NT5M: variants seen among roughly 807,000 people sequenced by gnomAD.
NT5M encodes the protein 5'(3')-deoxyribonucleotidase, mitochondrial.
Under a neutral mutation model 22.2 loss-of-function variants are expected in NT5M, and 22 were observed. The observed-to-expected ratio is 0.99, with a 90% CI of 0.71 to 1.41. NT5M has a LOEUF of 1.41. Ranked by LOEUF, NT5M falls within the 40% of genes most tolerant of loss-of-function variation. NT5M has a pLI of 0.00. For synonymous variants in NT5M, 167 were observed against 133.0 expected, an observed-to-expected ratio of 1.26 and a Z score of -1.76; for missense variants, 322 against 314.8, an observed-to-expected ratio of 1.02 and a Z score of -0.17.
Position 17,346,864 on chromosome 17 carries a change from C to A in NT5M, c.604C>A (p.Leu202Met), listed in dbSNP as rs375565332. The A allele has an allele frequency of 8.1e-6, 13 of 1,608,456 alleles. No homozygotes were observed. Among genetic ancestry groups the A allele is most frequent in the Admixed American group, 1.7e-5 (1 of 59,988 alleles). Residue 202 changes from leucine to methionine, a missense_variant, in exon 5 of 5, where the codon CTG becomes ATG. By Grantham distance (15) the Leu-to-Met change is conservative. Transcript: ENST00000389022. ...VLFTACHNQH[L>M]QLQPPRRRLH... ...CTTCACCGCCTGCCACAACCAGCAC[C>A]TGCAGCTGCAGCCCCCCCGCCGCAG...
intron 3 of NT5M, among the ~76,000 whole-genome samples, chr17:17,324,034 G>C (rs1567890323): frequency 6.6e-6 from 1 of 151,930 alleles, no homozygotes; most frequent in African/African-American, 2.4e-5. Context: ...ACCACATCCA[G>C]GTAATTTTTT....
At chr17:17,328,928 G>T (rs16961564) in intron 3 of NT5M, among the ~76,000 whole-genome samples, 17,220 of 152,158 alleles carry the variant, frequency 0.11, 987 homozygotes, top group Admixed American at 0.14. Context: ...GGCTTTCCCT[G>T]TAGTGATCCA....
At chr17:17,330,216 C>T (rs1037847674) in intron 3 of NT5M, among the ~76,000 whole-genome samples, 4 of 149,550 alleles carry the variant, frequency 2.7e-5, no homozygotes, top group Non-Finnish European at 5.9e-5. Context: ...AGGAGAATGG[C>T]GTGAACCCGT....
intron 3 of NT5M, among the ~76,000 whole-genome samples, chr17:17,335,779 C>T (rs1021095733): frequency 2.6e-5 from 4 of 151,670 alleles, no homozygotes; most frequent in East Asian, 3.9e-4. Context: ...ACTACAGGCA[C>T]GTGCCACCAT....
chr17:17,343,598 G>A (rs2049694303), intron 3 of NT5M, among the ~76,000 whole-genome samples: 1 of 152,150 alleles, frequency 6.6e-6, no homozygotes, highest in Non-Finnish European at 1.5e-5. Context: ...GTCATACACA[G>A]GGAAAAACGG....
chr17:17,345,012 C>G, intron 4 of NT5M, 104 bp downstream of exon 4: 2 of 1,511,600 alleles, frequency 1.3e-6, no homozygotes, highest in Non-Finnish European at 1.8e-6. Flanking sequence ...CACTTAGTCA[C>G]CAGCTGTTTG....
chr17:17,325,504 C>T (rs932611541), intron 3 of NT5M, among the ~76,000 whole-genome samples: 2 of 152,166 alleles, frequency 1.3e-5, no homozygotes, highest in African/African-American at 4.8e-5. Context: ...GTGCCTGGCA[C>T]CTGTCTGCTT....
At chr17:17,332,285 C>T (rs34247865) in intron 3 of NT5M, among the ~76,000 whole-genome samples, 41 of 152,258 alleles carry the variant, frequency 2.7e-4, no homozygotes, top group Non-Finnish European at 5.0e-4. Flanking sequence ...CTGTGAGCCA[C>T]GCGGAGCAGG....
intron 3 of NT5M, among the ~76,000 whole-genome samples, chr17:17,336,776 C>T (rs1344430229): frequency 2.0e-5 from 3 of 152,076 alleles, no homozygotes; most frequent in African/African-American, 7.2e-5. Flanking sequence ...GTTTTGAACT[C>T]CTGACCTCTT....
chr17:17,324,820 G>A (rs1044822212), intron 3 of NT5M, among the ~76,000 whole-genome samples: 3 of 152,150 alleles, frequency 2.0e-5, no homozygotes, highest in African/African-American at 4.8e-5. Flanking sequence ...ACACAGCTGC[G>A]CACCACGCAC....
chr17:17,305,394 G>GCCCCCCGCCCCCCCC (rs2048774663), intron 1 of NT5M, among the ~76,000 whole-genome samples: 1 of 74,098 alleles, frequency 1.3e-5, no homozygotes, highest in Non-Finnish European at 2.7e-5. Flanking sequence ...TAAAACAACC[G>GCCCCCCGCCCCCCCC]CCCCCCCCCC....
At chr17:17,311,122 G>A (rs1002368951) in intron 2 of NT5M, among the ~76,000 whole-genome samples, 2 of 152,174 alleles carry the variant, frequency 1.3e-5, no homozygotes, top group African/African-American at 4.8e-5. Context: ...GGATCATGAG[G>A]TCAGGAGATC....
intron 3 of NT5M, among the ~76,000 whole-genome samples, chr17:17,342,887 C>T (rs1567901793): frequency 1.3e-5 from 2 of 152,308 alleles, no homozygotes; most frequent in East Asian, 1.9e-4. Context: ...TGTTGACCAT[C>T]GTCTCTCTGG....
intron 1 of NT5M, among the ~76,000 whole-genome samples, chr17:17,304,675 ATAT>A (rs1249445191): frequency 6.6e-6 from 1 of 152,002 alleles, no homozygotes; most frequent in Non-Finnish European, 1.5e-5. Flanking sequence ...TGTTGGGTAG[ATAT>A]TATTATCTCT....
rs184905982 is a variant in NT5M, at chr17:17,345,375, G to C, written c.544+467G>C. ...ACAAGCCAGTCAACCTTGAACTGCCGTAGAAAGGAGAGGGAGATGGGCGTG... is the reference window on the plus strand; with the variant it reads ...ACAAGCCAGTCAACCTTGAACTGCCCTAGAAAGGAGAGGGAGATGGGCGTG... On this transcript the variant is annotated intron_variant, in intron 4 of 4. Transcript: ENST00000389022. 94 of 594,748 alleles carry C rather than the reference G, an allele frequency of 1.6e-4. No individual in the cohort carries two copies. In the African/African-American group the frequency reaches 1.8e-3, roughly 12 times the overall value. 36.8% of individuals were successfully genotyped at this position (594,748 alleles called of 1,614,324 possible).
intron 3 of NT5M, among the ~76,000 whole-genome samples, chr17:17,340,595 C>T (rs1470903592): frequency 1.3e-5 from 2 of 151,886 alleles, no homozygotes; most frequent in South Asian, 2.1e-4. Flanking sequence ...GGCACAATCT[C>T]GGCTCACTGC....
intron 1 of NT5M, among the ~76,000 whole-genome samples, chr17:17,305,857 C>G (rs2048790284): frequency 6.6e-6 from 1 of 152,088 alleles, no homozygotes; most frequent in Non-Finnish European, 1.5e-5. Context: ...GGGTTCTTCT[C>G]CCAGCTCAGC....
chr17:17,346,039 T>G (rs572742835), intron 4 of NT5M, among the ~76,000 whole-genome samples: 33 of 152,330 alleles, frequency 2.2e-4, no homozygotes, highest in African/African-American at 7.9e-4. Flanking sequence ...AGTGGGAATA[T>G]ACATTCTATT....
At position 17,347,196 on chromosome 17, in the gene NT5M, G is replaced by A; in HGVS notation, c.*249G>A. ...CGTTCAGCCTGACCTCAGGCAGCAG[G>A]CACCAAGCTGCCAGAAGCCCAGGGG... On this transcript the variant is annotated 3_prime_UTR_variant, in exon 5 of 5. Transcript: ENST00000389022. The A allele has an allele frequency of 3.8e-6, 2 of 523,760 alleles. No individual in the cohort carries two copies. The highest frequency in any genetic ancestry group is 6.7e-6 in the Non-Finnish European group (2 of 297,284). The allele number at this position is 523,760 out of a possible 1,614,324, so 32.4% of individuals were successfully genotyped here.
Sources: gnomAD v4.1 joint callset for allele counts (sites outside exome capture counted in the v4.1 genomes callset) on GRCh38, gnomAD v4.1.1 for gene constraint, MANE v1.5 for transcripts, NCBI Gene and HGNC (gene_info 2026-07-23, HGNC 2026-07-21) for gene names.